Variants in SPTB observed in about 807,000 individuals in gnomAD.
SPTB encodes the protein spectrin beta chain, erythrocytic.
Under a neutral mutation model 256.2 loss-of-function variants are expected in SPTB, and 45 were observed. The observed-to-expected ratio is 0.18, with a 90% CI of 0.14 to 0.23. SPTB has a LOEUF of 0.23. SPTB is among the 10% of genes least tolerant of loss of function. The probability of loss-of-function intolerance (pLI) is 1.00; values close to 1 mark genes in which losing one functional copy is unlikely to be tolerated. For missense variants in SPTB, 2,715 were observed against 3,040.4 expected (o/e 0.89, Z 2.52); for synonymous variants, 1,231 against 1,243.1 (o/e 0.99, Z 0.21).
chr14:64,870,000 G>C (rs563653249), intron 1 of SPTB, among the ~76,000 whole-genome samples: 2 of 152,060 alleles, frequency 1.3e-5, no homozygotes, highest in South Asian at 4.2e-4. Context: ...AGGTGCAGAG[G>C]TTTTGTTTTG....
In SPTB at chr14:64,749,945, A is replaced by G. The variant is rs1256333271; in HGVS notation, c.6776+36T>C. The G allele has an allele frequency of 1.2e-6, 2 of 1,614,110 alleles. No homozygotes were observed. The highest frequency in any genetic ancestry group is 1.1e-5 in the South Asian group (1 of 91,074). On this transcript the variant is annotated intron_variant, in intron 34 of 35. Coordinates refer to ENST00000644917, the MANE Select transcript of SPTB (RefSeq NM_001355436.2). The surrounding 1 kb of genome is among the most constrained non-coding windows in gnomAD (Gnocchi z 4.7). ...CCTGCCACTAATGCCAAATCAAGCCATCAACCCGAGCTTTCAAAGGCCAGG... is the reference window on the plus strand; with the variant it reads ...CCTGCCACTAATGCCAAATCAAGCCGTCAACCCGAGCTTTCAAAGGCCAGG...
chr14:64,833,770 A>C (rs1277886782), intron 1 of SPTB, among the ~76,000 whole-genome samples: 1 of 152,142 alleles, frequency 6.6e-6, no homozygotes, highest in Non-Finnish European at 1.5e-5. Flanking sequence ...CCAACAGCCC[A>C]GCATAATGCC....
chr14:64,842,676 G>T (rs115032940), intron 1 of SPTB, among the ~76,000 whole-genome samples: 1,581 of 152,286 alleles, frequency 0.01, 27 homozygotes, highest in African/African-American at 0.036. Context: ...TTGCTCTAAG[G>T]TTGCTGCTGT....
Position 64,873,912 on chromosome 14 carries a change from G to C in SPTB, c.-52+5880C>G, listed in dbSNP as rs1347151266. 6.6e-6 allele frequency among the ~76,000 whole-genome samples: 1 copy of C among 152,216 alleles called. No homozygotes were observed. Among genetic ancestry groups the C allele is most frequent in the African/African-American group, 2.4e-5 (1 of 41,454 alleles). On this transcript the variant is annotated intron_variant, in intron 1 of 35. Transcript: ENST00000644917. This position sits in a 1 kb window ranked among gnomAD's most constrained non-coding sequence, Gnocchi z 4.3. The stretch of plus-strand genomic sequence containing the variant: ...ACATGCTCATCATAAGATAAAATAA[G>C]ATGATGTGTAGACAAAGGCATGCTG...
rs1882648198 is a variant in SPTB, at chr14:64,873,315, C to T, written c.-52+6477G>A. On this transcript the variant is annotated intron_variant, in intron 1 of 35. Transcript: ENST00000644917. The surrounding 1 kb of genome is among the most constrained non-coding windows in gnomAD (Gnocchi z 4.3). ...ACTGTTACATTCCCTGGGCCTACAG[C>T]ATGTCTGGCAAATTAAATGAGAACT... Among the ~76,000 whole-genome samples the T allele has an allele frequency of 3.9e-5, 6 of 152,186 alleles. No individual in the cohort carries two copies. In the South Asian group the frequency reaches 1.2e-3, roughly 32 times the overall value.
intron 32 of SPTB, among the ~76,000 whole-genome samples, chr14:64,762,496 T>C (rs970639358): frequency 1.3e-5 from 2 of 152,156 alleles, no homozygotes; most frequent in African/African-American, 4.8e-5. Flanking sequence ...GGCCAAGAGG[T>C]GGTCTTGGCT....
chr14:64,793,149 G>A lies in SPTB; in HGVS notation c.2514C>T (p.Asp838=). 6.2e-7 allele frequency: 1 copy of A among 1,614,058 alleles called. No homozygotes were observed. Among genetic ancestry groups the A allele is most frequent in the African/African-American group, 1.3e-5 (1 of 75,064 alleles). Residue 838 remains aspartate, a synonymous_variant, in exon 14 of 36, where the codon GAC becomes GAT. Coordinates refer to ENST00000644917, the MANE Select transcript of SPTB (RefSeq NM_001355436.2). The surrounding 1 kb of genome is among the most constrained non-coding windows in gnomAD (Gnocchi z 7.0). Reference sequence around the variant, plus strand: ...CTTCCTGCAGCCTCTGCTGACGCAGGTCCGCCTGGGCCACCACCTGTTGGT... The same window carrying A: ...CTTCCTGCAGCCTCTGCTGACGCAGATCCGCCTGGGCCACCACCTGTTGGT... ...ELYQQVVAQA[D]LRQQRLQEAL... is the part of the protein sequence containing the mutation.
intron 1 of SPTB, among the ~76,000 whole-genome samples, chr14:64,836,534 T>C (rs2083525873): frequency 6.6e-6 from 1 of 152,074 alleles, no homozygotes; most frequent in African/African-American, 2.4e-5. Flanking sequence ...TCGGTGGGGT[T>C]TATTGTCATT....
intron 32 of SPTB, 171 bp downstream of exon 32, chr14:64,766,555 C>G: frequency 6.4e-7 from 1 of 1,559,178 alleles, no homozygotes; most frequent in East Asian, 2.3e-5. Context: ...AAGAACACCT[C>G]AGTGAGGACG....
Position 64,805,041 on chromosome 14 carries a change from C to T in SPTB, c.198G>A (p.Ser66=), listed in dbSNP as rs745988078. 2.2e-5 allele frequency: 36 copies of T among 1,614,018 alleles called. No homozygotes were observed. The highest frequency in any genetic ancestry group is 1.6e-4 in the East Asian group (7 of 44,874). ...TGCGGCAGGACACTCGAGCCAGGTGCGAGTTCACCCATTTCGTGAAGGTCT... is the reference window on the plus strand; with the variant it reads ...TGCGGCAGGACACTCGAGCCAGGTGTGAGTTCACCCATTTCGTGAAGGTCT... The part of the protein sequence containing the change: ...QKKTFTKWVN[S]HLARVSCRIT... The change falls in exon 3 of 36, where the codon TCG becomes TCA. Residue 66 remains serine (S), a synonymous_variant. Coordinates refer to ENST00000644917, the MANE Select transcript of SPTB (RefSeq NM_001355436.2).
intron 10 of SPTB, among the ~76,000 whole-genome samples, chr14:64,797,088 A>G (rs1040050440): frequency 2.6e-5 from 4 of 152,170 alleles, no homozygotes; most frequent in Non-Finnish European, 5.9e-5. Flanking sequence ...TGTCATAGGC[A>G]TTTCCCTTTG....
intron 1 of SPTB, among the ~76,000 whole-genome samples, chr14:64,858,227 T>C (rs1021255894): frequency 3.3e-5 from 5 of 152,176 alleles, no homozygotes; most frequent in African/African-American, 1.2e-4. Flanking sequence ...CTACTCACGG[T>C]GCAGTAAACA....
chr14:64,756,113 A>T (rs2139438696), intron 32 of SPTB: 1 of 152,316 alleles, frequency 6.6e-6, no homozygotes, highest in South Asian at 2.1e-4. Context: ...GTGTGACCTA[A>T]TAAAAACCGC....
intron 2 of SPTB, among the ~76,000 whole-genome samples, chr14:64,818,363 G>C (rs2083229003): frequency 6.6e-6 from 1 of 152,246 alleles, no homozygotes; most frequent in African/African-American, 2.4e-5. Context: ...CACATGGGAT[G>C]CCGGATGCCA....
chr14:64,803,731 T>C lies in SPTB; in HGVS notation c.350A>G (p.Asp117Gly). The C allele has an allele frequency of 6.2e-7, 1 of 1,614,106 alleles. No individual in the cohort carries two copies. Among genetic ancestry groups the C allele is most frequent in the South Asian group, 1.1e-5 (1 of 91,080 alleles). Reference protein sequence around the residue: ...KMRIHCLENVDKALQFLKEQR... With the variant: ...KMRIHCLENVGKALQFLKEQR... ...CTCCTTGAGGAACTGGAGAGCCTTG[T>C]CCACATTCTCCAGGCAGTGGATGCG... The change falls in exon 4 of 36, where the codon GAC (aspartate) becomes GGC (glycine). Residue 117 changes from aspartate to glycine, a missense_variant. By Grantham distance (94) the Asp-to-Gly change is moderately conservative. Transcript: ENST00000644917.
In SPTB at chr14:64,845,275, C is replaced by T. The variant is rs560447823; in HGVS notation, c.-51-22130G>A. Among the ~76,000 whole-genome samples, 1 of 152,260 alleles carries T rather than the reference C, an allele frequency of 6.6e-6. No individual in the cohort carries two copies. The highest frequency in any genetic ancestry group is 1.9e-4 in the East Asian group (1 of 5,192). On this transcript the variant is annotated intron_variant, in intron 1 of 35. Coordinates refer to ENST00000644917, the MANE Select transcript of SPTB (RefSeq NM_001355436.2). This position sits in a 1 kb window ranked among gnomAD's most constrained non-coding sequence, Gnocchi z 4.8. ...GTTTTTTCCTTTGAACAGAAGTAGC[C>T]GCTTAGCCCGCCAAAAGATTGGTAG...
chr14:64,786,949 C>A lies in SPTB; in HGVS notation c.3016G>T (p.Ala1006Ser), dbSNP rs151112486. 6.2e-7 allele frequency: 1 copy of A among 1,613,762 alleles called. No individual in the cohort carries two copies. Among genetic ancestry groups the A allele is most frequent in the East Asian group, 2.2e-5 (1 of 44,884 alleles). ...KLSGLERDVAAIQARVDALER... is the reference protein window; with the variant it reads ...KLSGLERDVASIQARVDALER... ...AGGGCATCCACACGGGCCTGGATGG[C>A]GGCCACGTCACGCTCCAGCCCTGAC... Residue 1006 changes from alanine to serine, a missense_variant, in exon 16 of 36, where the codon GCC (alanine) becomes TCC (serine). Coordinates refer to ENST00000644917, the MANE Select transcript of SPTB (RefSeq NM_001355436.2). This position sits in a 1 kb window ranked among gnomAD's most constrained non-coding sequence, Gnocchi z 5.6.
rs1210232258 is a variant in SPTB at position 64,793,688 on chromosome 14, T to A, written c.1975A>T (p.Ile659Phe). 6 of 1,614,158 alleles carry A rather than the reference T, an allele frequency of 3.7e-6. No individual in the cohort carries two copies. The South Asian group carries it at 6.6e-5, about 18-fold the overall frequency. The part of the protein sequence containing the change: ...AESWIKEKEQ[I>F]YSSLDYGKDL... ...TTGCCATAGTCCAGGGAAGAATAGA[T>A]CTGCTCCTTCTCCTTGATCCAGCTC... The change falls in exon 14 of 36, where the codon ATC becomes TTC. Residue 659 changes from isoleucine (I) to phenylalanine (F), a missense_variant. Physicochemically the swap from Ile to Phe is conservative, Grantham distance 21. This residue lies in a region of SPTB where 2,239 missense variants were observed against 2,384.4 expected (regional missense o/e 0.94). Coordinates refer to ENST00000644917, the MANE Select transcript of SPTB (RefSeq NM_001355436.2). This position sits in a 1 kb window ranked among gnomAD's most constrained non-coding sequence, Gnocchi z 7.0.
Position 64,823,166 on chromosome 14 carries a change from C to A in SPTB, c.-51-21G>T. 2 of 1,587,730 alleles carry A rather than the reference C, an allele frequency of 1.3e-6. No individual in the cohort carries two copies. Among genetic ancestry groups the A allele is most frequent in the South Asian group, 1.1e-5 (1 of 90,298 alleles). On this transcript the variant is annotated intron_variant, in intron 1 of 35. Transcript: ENST00000644917. The surrounding 1 kb of genome is among the most constrained non-coding windows in gnomAD (Gnocchi z 6.5). ...GATCCCTGGGGGACAGCAACACAGT[C>A]AGAGGGTTATCTCTCTACCCCCTCG...
Sources: allele counts gnomAD v4.1 joint callset (sites outside exome capture counted in the v4.1 genomes callset), GRCh38; gene constraint gnomAD v4.1.1; regional missense constraint gnomAD v4.1.1; non-coding constraint Gnocchi (gnomAD v3.1); transcripts MANE v1.5; gene names NCBI Gene and HGNC (gene_info 2026-07-23, HGNC 2026-07-21).